Variants in H2BC12 observed in about 807,000 individuals in gnomAD.
H2BC12 encodes histone H2B type 1-K.
H2BC12 carries 6 observed loss-of-function variants against 6.3 expected under a neutral mutation model. That is an observed-to-expected ratio of 0.95 (90% CI 0.52 to 1.87). The LOEUF (loss-of-function observed/expected upper bound fraction) is 1.87, where lower values mean the gene tolerates loss of function less well. Ranked by LOEUF, H2BC12 falls within the 40% of genes most tolerant of loss-of-function variation. The pLI, the probability that H2BC12 is intolerant of heterozygous loss-of-function variation, is 0.01. For missense variants in H2BC12, 119 were observed against 178.4 expected (o/e 0.67, Z 1.90); for synonymous variants, 132 against 78.5 (o/e 1.68, Z -3.60).
Position 27,146,574 on chromosome 6 carries a change from C to T in H2BC12, c.225G>A (p.Ala75=), listed in dbSNP as rs183476782. The change falls in exon 1 of 1, where the codon GCG becomes GCA. Residue 75 remains alanine, a synonymous_variant. Coordinates refer to ENST00000356950, the MANE Select transcript of H2BC12 (RefSeq NM_001312653.2). ...SFVNDIFERI[A]GEASRLAHYN... is the part of the protein sequence containing the mutation. ...AATGCGCCAGGCGGGAAGCCTCACCCGCGATGCGTTCGAAGATGTCGTTGA... is the reference window on the plus strand; with the variant it reads ...AATGCGCCAGGCGGGAAGCCTCACCTGCGATGCGTTCGAAGATGTCGTTGA... 7,088 of 1,613,190 alleles carry T rather than the reference C, an allele frequency of 4.4e-3. 337 individuals are homozygous for T. Among genetic ancestry groups the T allele is most frequent in the Non-Finnish European group, 6.3e-4 (748 of 1,179,782 alleles).
chr6:27,139,285 C>A, the H2BC12 span: 4 of 1,579,118 alleles, frequency 2.5e-6, no homozygotes, highest in East Asian at 2.2e-5. Flanking sequence ...AGGCAGCAGA[C>A]CTTTGTTCTC....
downstream of H2BC12, among the ~76,000 whole-genome samples, chr6:27,143,470 AT>A (rs1554184238): frequency 1.3e-5 from 2 of 152,110 alleles, no homozygotes; most frequent in Non-Finnish European, 2.9e-5. Context: ...ATATATTACA[AT>A]TCATAGGCAT....
downstream of H2BC12, among the ~76,000 whole-genome samples, chr6:27,145,057 T>G (rs551852364): frequency 6.6e-6 from 1 of 152,248 alleles, no homozygotes; most frequent in African/African-American, 2.4e-5. Context: ...TATATAGGTA[T>G]AGATATAGAT....
the H2BC12 span, among the ~76,000 whole-genome samples, chr6:27,141,188 C>T: frequency 6.6e-6 from 1 of 152,062 alleles, no homozygotes; most frequent in Non-Finnish European, 1.5e-5. Flanking sequence ...ATTGATCTTA[C>T]TTTCTAAATA....
At chr6:27,145,293 A>AATAC (rs1554184447), downstream of H2BC12, among the ~76,000 whole-genome samples, 1 of 91,436 alleles carries the variant, frequency 1.1e-5, no homozygotes, top group South Asian at 3.2e-4. Flanking sequence ...AAATATGTTA[A>AATAC]ATACACACAC....
chr6:27,139,331 G>A, the H2BC12 span: 15 of 1,612,544 alleles, frequency 9.3e-6, no homozygotes, highest in Non-Finnish European at 1.2e-5. Context: ...GGCAAAGGAG[G>A]TAAGGGCCTG....
the H2BC12 span, among the ~76,000 whole-genome samples, chr6:27,140,873 G>A: frequency 6.6e-6 from 1 of 151,332 alleles, no homozygotes; most frequent in South Asian, 2.1e-4. Flanking sequence ...TTGTCAGTAT[G>A]TGACAAATAT....
the H2BC12 span, chr6:27,139,188 C>A: frequency 9.1e-7 from 1 of 1,097,570 alleles, no homozygotes; most frequent in Non-Finnish European, 1.3e-6. Flanking sequence ...AGGTCCCCTC[C>A]CCCAATGCAG....
chr6:27,139,325 A>G, the H2BC12 span: 2 of 1,610,846 alleles, frequency 1.2e-6, no homozygotes, highest in Non-Finnish European at 1.7e-6. Flanking sequence ...GGACGCGGCA[A>G]AGGAGGTAAG....
chr6:27,145,454 C>T (rs1302836161), downstream of H2BC12, among the ~76,000 whole-genome samples: 1 of 152,162 alleles, frequency 6.6e-6, no homozygotes, highest in Non-Finnish European at 1.5e-5. Flanking sequence ...AAGTTTCACA[C>T]TGCTCATCAC....
the H2BC12 span, chr6:27,139,276 GGCA>G: frequency 6.5e-7 from 1 of 1,550,170 alleles, no homozygotes; most frequent in African/African-American, 1.4e-5. Flanking sequence ...TGCCATCACA[GGCA>G]GCAGACCTTT....
At chr6:27,145,109 T>C (rs888083901), downstream of H2BC12, among the ~76,000 whole-genome samples, 2 of 152,218 alleles carry the variant, frequency 1.3e-5, no homozygotes, top group Admixed American at 6.5e-5. Flanking sequence ...TAATTATTTG[T>C]TGATACATTT....
the H2BC12 span, chr6:27,139,768 C>T: frequency 7.6e-7 from 1 of 1,312,420 alleles, no homozygotes; most frequent in South Asian, 1.6e-5. Context: ...AAGATTAACT[C>T]GACGCCGAAA....
downstream of H2BC12, chr6:27,146,291 C>T (rs530057382): frequency 6.8e-7 from 1 of 1,468,450 alleles, no homozygotes. Flanking sequence ...CATGATAATC[C>T]CTTTAAAAAG....
At chr6:27,139,186 TC>T in the H2BC12 span, 3 of 1,070,978 alleles carry the variant, frequency 2.8e-6, no homozygotes, top group Non-Finnish European at 1.3e-6. Flanking sequence ...TTAGGTCCCC[TC>T]CCCCAATGCA....
downstream of H2BC12, among the ~76,000 whole-genome samples, chr6:27,142,440 T>C (rs1760017538): frequency 6.6e-6 from 1 of 151,400 alleles, no homozygotes; most frequent in African/African-American, 2.4e-5. Flanking sequence ...GCCAGGCTAA[T>C]TTTTTTGTAT....
downstream of H2BC12, among the ~76,000 whole-genome samples, chr6:27,143,843 C>CT (rs1383183289): frequency 4.1e-4 from 43 of 104,238 alleles, no homozygotes; most frequent in Non-Finnish European, 4.4e-4. Context: ...CTGAACTACT[C>CT]TTTAAAAAAA....
In H2BC12 at chr6:27,146,365, T is replaced by C; in HGVS notation, c.*53A>G. On this transcript the variant is annotated 3_prime_UTR_variant, in exon 1 of 1. Transcript: ENST00000356950. The stretch of plus-strand genomic sequence containing the variant: ...ACAGCTCTAATATCGATAATTTAAG[T>C]GGCTCTTAAAAGAGCCTTTGGGGTT... 1 of 1,608,756 alleles carries C rather than the reference T, an allele frequency of 6.2e-7. No homozygotes were observed. Among genetic ancestry groups the C allele is most frequent in the East Asian group, 2.2e-5 (1 of 44,856 alleles).
chr6:27,139,543 C>A, the H2BC12 span: 1 of 1,614,160 alleles, frequency 6.2e-7, no homozygotes, highest in South Asian at 1.1e-5. Flanking sequence ...GCACGCCAAG[C>A]GCAAGACGGT....
Sources: gnomAD v4.1 joint callset for allele counts (sites outside exome capture counted in the v4.1 genomes callset) on GRCh38, gnomAD v4.1.1 for gene constraint, MANE v1.5 for transcripts, NCBI Gene and HGNC (gene_info 2026-07-23, HGNC 2026-07-21) for gene names.